The following BNIP5 variants were observed in gnomAD, a reference collection of about 807,000 sequenced individuals.
The protein encoded by BNIP5 is protein BNIP5.
BNIP5 carries 61 observed loss-of-function variants against 67.3 expected under a neutral mutation model. The observed-to-expected ratio is 0.91, with a 90% CI of 0.74 to 1.12. The LOEUF is 1.12. Among genes scored for constraint, BNIP5 ranks in the 50% most tolerant of loss-of-function variants. The pLI is 0.00. For synonymous variants in BNIP5, 317 were observed against 319.0 expected, an observed-to-expected ratio of 0.99 and a Z score of 0.07; for missense variants, 826 against 816.3, an observed-to-expected ratio of 1.01 and a Z score of -0.14.
At chr6:36,333,973 T>C (rs1771958881) in intron 1 of BNIP5, among the ~76,000 whole-genome samples, 1 of 152,218 alleles carries the variant, frequency 6.6e-6, no homozygotes, top group Admixed American at 6.5e-5. Context: ...TTTGGCTCCA[T>C]GGGACCCATC....
At chr6:36,319,210 G>C in intron 11 of BNIP5, 146 bp downstream of exon 11, 1 of 817,544 alleles carries the variant, frequency 1.2e-6, no homozygotes, top group South Asian at 1.8e-5. Flanking sequence ...GAAGGCCTCA[G>C]TGAGGAGGTG....
In BNIP5 at chr6:36,317,090, G is replaced by T. The variant is rs774648421; in HGVS notation, c.*266C>A. The T allele has an allele frequency of 3.6e-6, 2 of 558,918 alleles. No individual in the cohort carries two copies. Among genetic ancestry groups the T allele is most frequent in the Non-Finnish European group, 6.3e-6 (2 of 316,584 alleles). 34.6% of individuals were successfully genotyped at this position (558,918 alleles called of 1,614,324 possible). On this transcript the variant is annotated 3_prime_UTR_variant, in exon 12 of 12. Transcript: ENST00000437635. ...TAGAGGGTCATGCAGCAAGTCTGGG[G>T]TAGGTTCAGCAGGTAGAGCCCCAGT...
chr6:36,327,278 C>A (rs1771786866), intron 3 of BNIP5, among the ~76,000 whole-genome samples, 184 bp from the exon 4 acceptor site: 2 of 152,204 alleles, frequency 1.3e-5, no homozygotes, highest in South Asian at 4.1e-4. Context: ...GGCACTAAGC[C>A]AAATCATGAC....
chr6:36,328,355 C>T (rs1487614034), intron 3 of BNIP5, among the ~76,000 whole-genome samples: 3 of 152,190 alleles, frequency 2.0e-5, no homozygotes, highest in South Asian at 2.1e-4. Flanking sequence ...AGAAAAGTTC[C>T]GTTTTCATTA....
Position 36,328,582 on chromosome 6 carries a change from A to C in BNIP5, c.727+16T>G. 296 of 1,522,780 alleles carry C rather than the reference A, an allele frequency of 1.9e-4. No homozygotes were observed. Among genetic ancestry groups the C allele is most frequent in the Non-Finnish European group, 2.5e-4 (274 of 1,096,538 alleles). The allele number at this position is 1,522,780 out of a possible 1,614,324, so 94.3% of individuals were successfully genotyped here. On this transcript the variant is annotated intron_variant, in intron 3 of 11. Transcript: ENST00000437635. ...CTCAGCCACAGGCAAAAAGGTCACT[A>C]GAGATTCCGACTCACGGTCAGGCTT...
intron 6 of BNIP5, among the ~76,000 whole-genome samples, chr6:36,324,582 TATATATATATA>T (rs1771717921): frequency 5.4e-4 from 1 of 1,868 alleles, no homozygotes; most frequent in Non-Finnish European, 1.1e-3. Context: ...ATATTATATA[TATATATATATA>T]TATATATATA....
intron 11 of BNIP5, among the ~76,000 whole-genome samples, chr6:36,319,070 A>G (rs1286110526): frequency 6.6e-6 from 1 of 152,264 alleles, no homozygotes; most frequent in East Asian, 1.9e-4. Context: ...CCAATATGCC[A>G]TTCTATCAAA....
Position 36,328,482 on chromosome 6 carries a change from G to T in BNIP5, c.727+116C>A, listed in dbSNP as rs916210542. On this transcript the variant is annotated intron_variant, in intron 3 of 11. Coordinates refer to ENST00000437635, the MANE Select transcript of BNIP5 (RefSeq NM_001010903.5). The stretch of plus-strand genomic sequence containing the variant: ...ACCAAAAGAGGCAAGAAAGGCCAGT[G>T]CATGTATTTTGAGAACCACCATCCA... 45 of 691,894 alleles carry T rather than the reference G, an allele frequency of 6.5e-5. No homozygotes were observed. In the African/African-American group the frequency reaches 7.9e-4, roughly 12 times the overall value. The allele number at this position is 691,894 out of a possible 1,614,324, so 42.9% of individuals were successfully genotyped here.
intron 9 of BNIP5, among the ~76,000 whole-genome samples, chr6:36,322,017 C>A (rs1247685489): frequency 6.6e-6 from 1 of 152,216 alleles, no homozygotes; most frequent in Non-Finnish European, 1.5e-5. Context: ...CACACCACTG[C>A]TTATGAGACC....
intron 5 of BNIP5, 148 bp downstream of exon 5, chr6:36,326,362 C>A: frequency 9.9e-7 from 1 of 1,012,210 alleles, no homozygotes; most frequent in Non-Finnish European, 1.4e-6. Context: ...TCTGTCTTCC[C>A]ACAGTCATCC....
intron 11 of BNIP5, among the ~76,000 whole-genome samples, chr6:36,317,974 C>T (rs1561879720): frequency 6.6e-6 from 1 of 152,100 alleles, no homozygotes; most frequent in Admixed American, 6.5e-5. Context: ...CTGTAACATT[C>T]CTATTCTCTA....
chr6:36,333,435 T>C (rs1407780827), intron 1 of BNIP5, among the ~76,000 whole-genome samples: 1 of 152,258 alleles, frequency 6.6e-6, no homozygotes, highest in Non-Finnish European at 1.5e-5. Flanking sequence ...GCTCAGAGAC[T>C]GGCTGCCTTA....
intron 11 of BNIP5, among the ~76,000 whole-genome samples, chr6:36,318,681 C>G (rs1771569747): frequency 6.6e-6 from 1 of 152,100 alleles, no homozygotes; most frequent in South Asian, 2.1e-4. Flanking sequence ...CGTGATTACA[C>G]CACTGCACTC....
chr6:36,330,292 C>G lies in BNIP5; in HGVS notation c.399G>C (p.Pro133=), dbSNP rs771256826. ...GCTCCCCTGCTGCTTCCAGGGGCTC[C>G]GGATGCTGGGAGATACCCTCCTTCC... ...PRGKEGISQH[P]EPLEAAGEPA... The change falls in exon 2 of 12, where the codon CCG becomes CCC. Residue 133 remains proline (P), a synonymous_variant. Transcript: ENST00000437635. 3.1e-6 allele frequency: 5 copies of G among 1,614,086 alleles called. No individual in the cohort carries two copies. Among genetic ancestry groups the G allele is most frequent in the Non-Finnish European group, 4.2e-6 (5 of 1,180,042 alleles).
Position 36,323,386 on chromosome 6 carries a change from C to A in BNIP5, c.1378G>T (p.Gly460Trp). The change falls in exon 8 of 12, where the codon GGG becomes TGG. Residue 460 changes from glycine (G) to tryptophan (W), a missense_variant. Gly to Trp is a radical substitution (Grantham distance 184). Transcript: ENST00000437635. ...CGTCGGGCCTCTGGGCTGGCAGCCC[C>A]TGCTGCCCCCGCTCTTCTGGGTTCC... The part of the protein sequence containing the change: ...SKEPRRAGAA[G>W]AASPEARRPK... 1 of 1,614,276 alleles carries A rather than the reference C, an allele frequency of 6.2e-7. No homozygotes were observed. Among genetic ancestry groups the A allele is most frequent in the Admixed American group, 1.7e-5 (1 of 60,036 alleles).
At chr6:36,335,793 C>G (rs975726668) in intron 1 of BNIP5, among the ~76,000 whole-genome samples, 1 of 152,186 alleles carries the variant, frequency 6.6e-6, no homozygotes, top group Non-Finnish European at 1.5e-5. Flanking sequence ...GTCACATAGC[C>G]GGGAAGCAGA....
intron 8 of BNIP5, 80 bp downstream of exon 8, chr6:36,323,213 C>A (rs150683314): frequency 1.3e-6 from 2 of 1,581,320 alleles, no homozygotes; most frequent in Non-Finnish European, 1.7e-6. Flanking sequence ...CTATGCCAGC[C>A]TGTCAACGAC....
chr6:36,326,064 G>A (rs185544148), intron 5 of BNIP5, among the ~76,000 whole-genome samples: 365 of 152,300 alleles, frequency 2.4e-3, no homozygotes, highest in African/African-American at 7.0e-3. Flanking sequence ...AGGACTGATC[G>A]TGTTATAGAT....
Position 36,316,893 on chromosome 6 carries a change from G to A in BNIP5, c.*463C>T, listed in dbSNP as rs1431892706. The A allele has an allele frequency of 2.5e-6, 1 of 402,342 alleles. No individual in the cohort carries two copies. The allele number at this position is 402,342 out of a possible 1,614,324, so 24.9% of individuals were successfully genotyped here. On this transcript the variant is annotated 3_prime_UTR_variant, in exon 12 of 12. Coordinates refer to ENST00000437635, the MANE Select transcript of BNIP5 (RefSeq NM_001010903.5). ...ACTACTGGTCAACTGAAGAAATGAT[G>A]GGATACACTTCGATGCATATCTGTT...
Sources: gnomAD v4.1 joint callset for allele counts (sites outside exome capture counted in the v4.1 genomes callset) on GRCh38, gnomAD v4.1.1 for gene constraint, MANE v1.5 for transcripts, NCBI Gene and HGNC (gene_info 2026-07-23, HGNC 2026-07-21) for gene names.